NCAPD2: variants seen among roughly 807,000 people sequenced by gnomAD.
NCAPD2 encodes the protein condensin complex subunit 1.
NCAPD2 carries 100 observed loss-of-function variants against 164.5 expected under a neutral mutation model. That is an observed-to-expected ratio of 0.61 (90% CI 0.52 to 0.72). NCAPD2 has a LOEUF of 0.72. NCAPD2 is among the 30% of genes least tolerant of loss of function. NCAPD2 has a pLI of 0.00. For synonymous variants in NCAPD2, 585 were observed against 642.6 expected (o/e 0.91, Z 1.36); for missense variants, 1,560 against 1,749.2 (o/e 0.89, Z 1.93).
intron 13 of NCAPD2, 38 bp from the exon 14 acceptor site, chr12:6,520,948 A>G: frequency 6.2e-7 from 1 of 1,612,808 alleles, no homozygotes; most frequent in Admixed American, 1.7e-5. Context: ...GGCTGCAGTG[A>G]CATTCTTCTG....
Position 6,531,706 on chromosome 12 carries a change from G to C in NCAPD2, c.*294G>C, listed in dbSNP as rs1040456975. ...TGTAATCCCAGCTACTCAAGAGGCT[G>C]AGGCAGGAGAATCGCCTGAACCCAG... On this transcript the variant is annotated 3_prime_UTR_variant, in exon 32 of 32. Transcript: ENST00000315579. This position sits in a 1 kb window ranked among gnomAD's most constrained non-coding sequence, Gnocchi z 4.1. 3 of 395,744 alleles carry C rather than the reference G, an allele frequency of 7.6e-6. No homozygotes were observed. Among genetic ancestry groups the C allele is most frequent in the Admixed American group, 4.1e-5 (1 of 24,644 alleles). 24.5% of individuals were successfully genotyped at this position (395,744 alleles called of 1,614,324 possible). A position where few individuals can be genotyped will look rare whatever the true frequency, so the allele number is the denominator to read the frequency against.
rs1679703202 is a variant in NCAPD2 at position 6,531,507 on chromosome 12, T to C, written c.*95T>C. On this transcript the variant is annotated 3_prime_UTR_variant, in exon 32 of 32. Coordinates refer to ENST00000315579, the MANE Select transcript of NCAPD2 (RefSeq NM_014865.4). The surrounding 1 kb of genome is among the most constrained non-coding windows in gnomAD (Gnocchi z 4.1). ...TTGTAAAATATTTGTCTGTCTCTTT[T>C]TTTTAAAAAAAAAAAAGGCCGGGCA... The C allele has an allele frequency of 3.9e-6, 6 of 1,533,272 alleles. No individual in the cohort carries two copies. The highest frequency in any genetic ancestry group is 5.2e-6 in the Non-Finnish European group (6 of 1,145,526). The allele number at this position is 1,533,272 out of a possible 1,614,324, so 95.0% of individuals were successfully genotyped here.
Position 6,531,099 on chromosome 12 carries a change from C to G in NCAPD2, c.4120+23C>G. 6.2e-7 allele frequency: 1 copy of G among 1,612,180 alleles called. No homozygotes were observed. Among genetic ancestry groups the G allele is most frequent in the Non-Finnish European group, 8.5e-7 (1 of 1,179,810 alleles). On this transcript the variant is annotated intron_variant, in intron 31 of 31. Coordinates refer to ENST00000315579, the MANE Select transcript of NCAPD2 (RefSeq NM_014865.4). This position sits in a 1 kb window ranked among gnomAD's most constrained non-coding sequence, Gnocchi z 4.1. ...AAGGTATGATGCTCCCGCCTGTTCC[C>G]GGCCGAGAAGGCACACAGCTAGGGT...
At chr12:6,520,202 A>G (rs1367543112) in intron 13 of NCAPD2, among the ~76,000 whole-genome samples, 1 of 150,648 alleles carries the variant, frequency 6.6e-6, no homozygotes, top group Non-Finnish European at 1.5e-5. Context: ...ATATATATAT[A>G]TATATACACA....
intron 13 of NCAPD2, among the ~76,000 whole-genome samples, chr12:6,519,827 C>T (rs969376048): frequency 4.0e-5 from 6 of 151,178 alleles, no homozygotes; most frequent in Admixed American, 6.6e-5. Context: ...GAGATTGCTC[C>T]GCTACACTCT....
chr12:6,523,578 T>C (rs1247440505), intron 17 of NCAPD2, among the ~76,000 whole-genome samples: 4 of 152,110 alleles, frequency 2.6e-5, no homozygotes, highest in African/African-American at 9.7e-5. Context: ...TTTGTATCTT[T>C]AGTAGAGACG....
At position 6,528,854 on chromosome 12, in the gene NCAPD2, A is replaced by G; in HGVS notation, c.3475A>G (p.Lys1159Glu). 1 of 1,613,246 alleles carries G rather than the reference A, an allele frequency of 6.2e-7. No individual in the cohort carries two copies. ...AKNFFNELSH[K>E]GNAIYNLLPD... is the part of the protein sequence containing the mutation. The stretch of plus-strand genomic sequence containing the variant: ...GAACTTCTTCAATGAGCTCTCCCAC[A>G]AGGTGAGAGGCAGAGAGGCACTGAG... The change falls in exon 26 of 32, where the codon AAG becomes GAG. Residue 1159 changes from lysine to glutamate, a missense_variant and splice_region_variant. Physicochemically the swap from Lys to Glu is moderately conservative, Grantham distance 56. Transcript: ENST00000315579. The surrounding 1 kb of genome is among the most constrained non-coding windows in gnomAD (Gnocchi z 5.1).
chr12:6,497,067 T>A (rs1234606569), intron 2 of NCAPD2, among the ~76,000 whole-genome samples: 1 of 152,214 alleles, frequency 6.6e-6, no homozygotes, highest in Non-Finnish European at 1.5e-5. Flanking sequence ...GTTTAACTGA[T>A]CAAGCTTATT....
chr12:6,506,585 G>A lies in NCAPD2; in HGVS notation c.128-3132G>A, dbSNP rs539230226. Among the ~76,000 whole-genome samples, 5 of 149,092 alleles carry A rather than the reference G, an allele frequency of 3.4e-5. No homozygotes were observed. In the East Asian group the frequency reaches 5.9e-4, roughly 18 times the overall value. On this transcript the variant is annotated intron_variant, in intron 2 of 31. Transcript: ENST00000315579. ...AGCCTGGGCGACAGAGAGAGATTCCGTCTCAAGAAAAAAAAAAAAGACATA... is the reference window on the plus strand; with the variant it reads ...AGCCTGGGCGACAGAGAGAGATTCCATCTCAAGAAAAAAAAAAAAGACATA...
At position 6,514,328 on chromosome 12, in the gene NCAPD2, C is replaced by T. The variant is rs1373355966; in HGVS notation, c.651C>T (p.Arg217=). The part of the protein sequence containing the change: ...ENPTINHQKN[R]PTREAITHLL... ...CCACCATTAATCACCAGAAGAACCG[C>T]CCCACTCGGGAAGCCATAACACACC... The change falls in exon 7 of 32, where the codon CGC becomes CGT. Residue 217 remains arginine (R), a synonymous_variant. Coordinates refer to ENST00000315579, the MANE Select transcript of NCAPD2 (RefSeq NM_014865.4). 3 of 1,614,096 alleles carry T rather than the reference C, an allele frequency of 1.9e-6. No homozygotes were observed. The highest frequency in any genetic ancestry group is 2.5e-6 in the Non-Finnish European group (3 of 1,180,048).
At chr12:6,506,466 G>A (rs939542526) in intron 2 of NCAPD2, among the ~76,000 whole-genome samples, 1 of 151,708 alleles carries the variant, frequency 6.6e-6, no homozygotes, top group African/African-American at 2.4e-5. Context: ...GGCGGGCGCC[G>A]GTAGTCCCAG....
intron 17 of NCAPD2, 74 bp from the exon 18 acceptor site, chr12:6,525,509 C>G: frequency 6.5e-7 from 1 of 1,530,304 alleles, no homozygotes; most frequent in Non-Finnish European, 8.8e-7. Flanking sequence ...TTCGCAATAT[C>G]ATCTTCAGAA....
chr12:6,503,061 T>A (rs1471548797), intron 2 of NCAPD2, among the ~76,000 whole-genome samples: 2 of 148,750 alleles, frequency 1.3e-5, no homozygotes, highest in African/African-American at 4.9e-5. Context: ...TTTCACCATG[T>A]TGGTCAGGCT....
Position 6,527,960 on chromosome 12 carries a change from T to A in NCAPD2, c.3020-8T>A. ...CCTGTCCCAAACCTGCAGTTACTCT[T>A]CCAACAGGCAAACAGACACTGGCTG... On this transcript the variant is annotated splice_region_variant and splice_polypyrimidine_tract_variant and intron_variant, in intron 23 of 31. Transcript: ENST00000315579. The A allele has an allele frequency of 1.2e-6, 2 of 1,614,210 alleles. No homozygotes were observed. The highest frequency in any genetic ancestry group is 2.2e-5 in the East Asian group (1 of 44,888).
intron 1 of NCAPD2, 125 bp from the exon 2 acceptor site, chr12:6,494,951 T>C (rs553785052): frequency 1.1e-6 from 1 of 923,938 alleles, no homozygotes; most frequent in East Asian, 2.5e-5. Flanking sequence ...CAAAACCAGA[T>C]GATGTTACTA....
Position 6,510,752 on chromosome 12 carries a change from A to T in NCAPD2, c.386A>T (p.Glu129Val). The change falls in exon 5 of 32, where the codon GAA becomes GTA. Residue 129 changes from glutamate to valine, a missense_variant. Transcript: ENST00000315579. ...MNCYALIRLL[E>V]SFETMASQTN... ...TGTTATGCTCTGATACGTCTCCTGG[A>T]ATCCTTTGAGACCATGGCCAGCCAG... The T allele has an allele frequency of 6.2e-7, 1 of 1,614,174 alleles. No individual in the cohort carries two copies. The highest frequency in any genetic ancestry group is 8.5e-7 in the Non-Finnish European group (1 of 1,180,040).
At chr12:6,504,610 T>G (rs541703608) in intron 2 of NCAPD2, among the ~76,000 whole-genome samples, 1 of 152,232 alleles carries the variant, frequency 6.6e-6, no homozygotes, top group Non-Finnish European at 1.5e-5. Flanking sequence ...CAGGCTGGTC[T>G]CAATCTCCTG....
At chr12:6,511,479 C>A (rs546633913) in intron 6 of NCAPD2, among the ~76,000 whole-genome samples, 7 of 152,008 alleles carry the variant, frequency 4.6e-5, no homozygotes, top group Non-Finnish European at 8.8e-5. Flanking sequence ...ATTACAGGTG[C>A]CCGCCACCAC....
At position 6,528,668 on chromosome 12, in the gene NCAPD2, TC is replaced by T; in HGVS notation, c.3300-9del. 1 of 1,605,966 alleles carries T rather than the reference TC, an allele frequency of 6.2e-7. No individual in the cohort carries two copies. The highest frequency in any genetic ancestry group is 1.3e-5 in the African/African-American group (1 of 74,876). On this transcript the variant is annotated splice_polypyrimidine_tract_variant and intron_variant, in intron 25 of 31. Coordinates refer to ENST00000315579, the MANE Select transcript of NCAPD2 (RefSeq NM_014865.4). This position sits in a 1 kb window ranked among gnomAD's most constrained non-coding sequence, Gnocchi z 5.1. ...GGTCTCGGTCCCCATGACCCGCAAT[TC>T]CATTCCTAGTCTCCGGGACCCTGCT... is the stretch of plus-strand genomic sequence containing the variant.
Sources: allele counts gnomAD v4.1 joint callset (sites outside exome capture counted in the v4.1 genomes callset), GRCh38; gene constraint gnomAD v4.1.1; non-coding constraint Gnocchi (gnomAD v3.1); transcripts MANE v1.5; gene names NCBI Gene and HGNC (gene_info 2026-07-23, HGNC 2026-07-21).